DLGAP1: variants seen among roughly 807,000 people sequenced by gnomAD.
The protein encoded by DLGAP1 is disks large-associated protein 1.
A neutral mutation model predicts 90.8 loss-of-function variants in DLGAP1; 11 were observed. The observed-to-expected ratio is 0.12, with a 90% CI of 0.08 to 0.20. DLGAP1 has a LOEUF of 0.20. DLGAP1 is among the 10% of genes least tolerant of loss of function. The pLI is 1.00. For missense variants in DLGAP1, 1,050 were observed against 1,333.8 expected (o/e 0.79, Z 3.31); for synonymous variants, 558 against 540.7 (o/e 1.03, Z -0.44).
intron 2 of DLGAP1, among the ~76,000 whole-genome samples, chr18:4,089,607 A>T (rs1410845683): frequency 1.3e-5 from 2 of 152,208 alleles, no homozygotes; most frequent in East Asian, 3.9e-4. Flanking sequence ...ACTGACACAT[A>T]GACCAATGGA....
intron 4 of DLGAP1, among the ~76,000 whole-genome samples, chr18:3,817,592 G>A (rs897429837): frequency 2.0e-5 from 3 of 152,162 alleles, no homozygotes; most frequent in African/African-American, 4.8e-5. Context: ...AACTGTAAGG[G>A]CCATTAACAT....
At chr18:4,226,536 G>C (rs1007286624) in intron 1 of DLGAP1, among the ~76,000 whole-genome samples, 6 of 151,832 alleles carry the variant, frequency 4.0e-5, no homozygotes, top group Non-Finnish European at 8.8e-5. Context: ...ATAACAAAAA[G>C]TTAAAAAGTG....
intron 1 of DLGAP1, among the ~76,000 whole-genome samples, chr18:4,208,971 G>T (rs999954938): frequency 1.3e-5 from 2 of 152,190 alleles, no homozygotes; most frequent in East Asian, 3.9e-4. Flanking sequence ...ACCACTGTCA[G>T]TGGCAATTAA....
At chr18:3,763,853 GGT>G (rs2064090908) in intron 5 of DLGAP1, among the ~76,000 whole-genome samples, 1 of 151,872 alleles carries the variant, frequency 6.6e-6, no homozygotes, top group African/African-American at 2.4e-5. Flanking sequence ...GTACAGATGG[GGT>G]TTCACCACGT....
chr18:3,716,291 G>C (rs986725005), intron 7 of DLGAP1, among the ~76,000 whole-genome samples: 1 of 152,218 alleles, frequency 6.6e-6, no homozygotes, highest in Non-Finnish European at 1.5e-5. Context: ...GCTCATTCCT[G>C]TAATCCCAGC....
chr18:4,019,055 T>C (rs1417105625), intron 2 of DLGAP1, among the ~76,000 whole-genome samples: 1 of 152,226 alleles, frequency 6.6e-6, no homozygotes, highest in Non-Finnish European at 1.5e-5. Context: ...TCTTCCTGCT[T>C]GGAGCTCTTT....
chr18:3,694,939 GTTTTT>G (rs1219198458), intron 7 of DLGAP1, among the ~76,000 whole-genome samples: 1 of 125,318 alleles, frequency 8.0e-6, no homozygotes, highest in African/African-American at 2.9e-5. Context: ...TGTTTTTTTT[GTTTTT>G]TTTTTTTTTT....
At chr18:4,083,024 TTTC>T (rs1477447402) in intron 2 of DLGAP1, among the ~76,000 whole-genome samples, 1 of 152,122 alleles carries the variant, frequency 6.6e-6, no homozygotes, top group Non-Finnish European at 1.5e-5. Context: ...GCCATGGCCG[TTTC>T]AGGCTATGAT....
intron 1 of DLGAP1, among the ~76,000 whole-genome samples, chr18:4,309,610 A>G (rs2080348557): frequency 6.6e-6 from 1 of 152,144 alleles, no homozygotes; most frequent in African/African-American, 2.4e-5. Context: ...TCCTTAGTCC[A>G]ATGCCCACTG....
chr18:3,812,132 T>G (rs1341474624), intron 5 of DLGAP1, among the ~76,000 whole-genome samples: 1 of 152,166 alleles, frequency 6.6e-6, no homozygotes, highest in African/African-American at 2.4e-5. Context: ...ATCCTTTTCT[T>G]GCATCTTCTG....
At chr18:4,443,778 C>T (rs12954174) in intron 1 of DLGAP1, among the ~76,000 whole-genome samples, 24,752 of 152,126 alleles carry the variant, frequency 0.16, 2,133 homozygotes, top group East Asian at 0.29. Flanking sequence ...AAAAGGGATC[C>T]GTAAGAAAAT....
chr18:3,921,207 C>T (rs1331055813), intron 3 of DLGAP1, among the ~76,000 whole-genome samples: 9 of 152,154 alleles, frequency 5.9e-5, no homozygotes, highest in African/African-American at 9.7e-5. Context: ...CATTTTCTAC[C>T]TGGGCAATCT....
intron 3 of DLGAP1, among the ~76,000 whole-genome samples, chr18:3,959,194 A>G (rs1285203583): frequency 6.6e-6 from 1 of 152,108 alleles, no homozygotes; most frequent in Non-Finnish European, 1.5e-5. Context: ...TGAAAGAGGC[A>G]GAAATATTTC....
chr18:4,216,096 T>G (rs1452929732), intron 1 of DLGAP1, among the ~76,000 whole-genome samples: 1 of 152,114 alleles, frequency 6.6e-6, no homozygotes, highest in African/African-American at 2.4e-5. Flanking sequence ...GACTAACAGT[T>G]CAGCATGGCT....
rs1054182695 is a variant in DLGAP1 at position 4,041,171 on chromosome 18, T to C, written c.-158-35970A>G. ...CAATTACTTTTGCACTAATTTGATATCTAGAAATCTGGTTTTGCAATGCAA... is the reference window on the plus strand; with the variant it reads ...CAATTACTTTTGCACTAATTTGATACCTAGAAATCTGGTTTTGCAATGCAA... On this transcript the variant is annotated intron_variant, in intron 2 of 12. Coordinates refer to ENST00000315677, the MANE Select transcript of DLGAP1 (RefSeq NM_004746.4). 3.3e-4 allele frequency among the ~76,000 whole-genome samples: 50 copies of C among 152,222 alleles called. 2 individuals carry two copies.
In DLGAP1 at chr18:3,814,067, G is replaced by A. The variant is rs192484161; in HGVS notation, c.1164C>T (p.Thr388=). ...GGGTTAGGACTACTCACTTGAGTGT[G>A]GTGAGTTCTGTAAGGGATGGCTGAG... ...KATQPSLTEL[T]TLKISNEHSP... The change falls in exon 5 of 13, where the codon ACC becomes ACT. Residue 388 remains threonine (T), a synonymous_variant. Transcript: ENST00000315677. 1 of 1,613,856 alleles carries A rather than the reference G, an allele frequency of 6.2e-7. No homozygotes were observed. Among genetic ancestry groups the A allele is most frequent in the African/African-American group, 1.3e-5 (1 of 75,046 alleles).
intron 3 of DLGAP1, among the ~76,000 whole-genome samples, chr18:3,992,818 G>T (rs574229415): frequency 6.6e-6 from 1 of 152,134 alleles, no homozygotes; most frequent in South Asian, 2.1e-4. Flanking sequence ...TAACTATCAA[G>T]GTTATTTGGC....
At chr18:3,763,598 G>A (rs1336679414) in intron 5 of DLGAP1, among the ~76,000 whole-genome samples, 1 of 151,742 alleles carries the variant, frequency 6.6e-6, no homozygotes, top group Non-Finnish European at 1.5e-5. Context: ...TATATCAAAT[G>A]ATGTTAAATC....
At chr18:4,423,640 A>G (rs2083088290) in intron 1 of DLGAP1, among the ~76,000 whole-genome samples, 1 of 152,086 alleles carries the variant, frequency 6.6e-6, no homozygotes, top group South Asian at 2.1e-4. Flanking sequence ...TAGGGTTGAT[A>G]TGTCATTACC....
Sources: gnomAD v4.1 joint callset for allele counts (sites outside exome capture counted in the v4.1 genomes callset) on GRCh38, gnomAD v4.1.1 for gene constraint, MANE v1.5 for transcripts, NCBI Gene and HGNC (gene_info 2026-07-23, HGNC 2026-07-21) for gene names.